Variants in MAST4 observed in about 807,000 individuals in gnomAD.
MAST4 encodes the protein microtubule associated serine/threonine kinase family member 4.
Under a neutral mutation model 162.7 loss-of-function variants are expected in MAST4, and 89 were observed. The observed-to-expected ratio is 0.55, with a 90% confidence interval of 0.46 to 0.65. MAST4 has a LOEUF of 0.65. MAST4 is among the 30% of genes least tolerant of loss of function. The probability of loss-of-function intolerance (pLI) is 0.00; values close to 1 mark genes in which losing one functional copy is unlikely to be tolerated. For missense variants in MAST4, 3,153 were observed against 3,374.0 expected (o/e 0.93, Z 1.62); for synonymous variants, 1,479 against 1,361.1 (o/e 1.09, Z -1.91).
chr5:66,905,012 A>G (rs559041442), intron 4 of MAST4, among the ~76,000 whole-genome samples: 1 of 152,244 alleles, frequency 6.6e-6, no homozygotes, highest in Admixed American at 6.5e-5. Context: ...ATGCTTTTAA[A>G]GGAATATCCA....
intron 4 of MAST4, among the ~76,000 whole-genome samples, chr5:66,998,115 TA>T (rs1416408036): frequency 6.6e-6 from 1 of 152,236 alleles, no homozygotes; most frequent in Non-Finnish European, 1.5e-5. Context: ...AAATTAACCT[TA>T]ATCTTAAATT....
chr5:66,748,428 CCTCCCTCCCTCCCTCT>C (rs1752909360), intron 1 of MAST4, among the ~76,000 whole-genome samples: 1 of 132,268 alleles, frequency 7.6e-6, no homozygotes, highest in African/African-American at 3.0e-5. Flanking sequence ...TTCCTTCCTC[CCTCCCTCCCTCCCTCT>C]CTCCCTCACT....
At chr5:66,933,126 T>C (rs1742347186) in intron 4 of MAST4, among the ~76,000 whole-genome samples, 1 of 152,214 alleles carries the variant, frequency 6.6e-6, no homozygotes, top group Admixed American at 6.5e-5. Flanking sequence ...CTACATTTAG[T>C]CTTCCATAGA....
intron 14 of MAST4, among the ~76,000 whole-genome samples, chr5:67,129,330 A>G (rs556619338): frequency 6.6e-6 from 1 of 152,270 alleles, no homozygotes; most frequent in African/African-American, 2.4e-5. Flanking sequence ...ATTTATCTGG[A>G]AATTTCTTTG....
At chr5:66,776,806 A>G (rs116135273) in intron 2 of MAST4, among the ~76,000 whole-genome samples, 4,883 of 152,294 alleles carry the variant, frequency 0.032, 89 homozygotes, top group Middle Eastern at 0.048. Context: ...ACAGTGTAGT[A>G]GAACATACTG....
At chr5:67,061,933 C>T (rs140040452) in intron 5 of MAST4, among the ~76,000 whole-genome samples, 1 of 152,244 alleles carries the variant, frequency 6.6e-6, no homozygotes, top group African/African-American at 2.4e-5. Flanking sequence ...CCTCCCCAGA[C>T]TCCTGGAGTT....
At chr5:66,893,120 A>T (rs897690675) in intron 3 of MAST4, among the ~76,000 whole-genome samples, 1 of 152,220 alleles carries the variant, frequency 6.6e-6, no homozygotes, top group African/African-American at 2.4e-5. Flanking sequence ...TGTGGTTTTG[A>T]TCAAATAAAA....
At chr5:66,843,556 C>T (rs1322797878) in intron 3 of MAST4, among the ~76,000 whole-genome samples, 2 of 152,100 alleles carry the variant, frequency 1.3e-5, no homozygotes, top group Non-Finnish European at 2.9e-5. Flanking sequence ...ATACAGTCTT[C>T]AATATGTGAT....
chr5:66,721,215 A>T (rs932178248), intron 1 of MAST4, among the ~76,000 whole-genome samples: 1 of 151,948 alleles, frequency 6.6e-6, no homozygotes, highest in Non-Finnish European at 1.5e-5. Context: ...CTGCAATTTT[A>T]TTGCTCTGCT....
intron 4 of MAST4, among the ~76,000 whole-genome samples, chr5:67,015,332 C>G (rs953422344): frequency 1.3e-5 from 2 of 152,180 alleles, no homozygotes; most frequent in Admixed American, 6.5e-5. Flanking sequence ...ACCTTCCATT[C>G]TTATAGGTGT....
intron 3 of MAST4, among the ~76,000 whole-genome samples, chr5:66,864,645 C>G (rs200118628): frequency 1.9e-5 from 1 of 53,444 alleles, no homozygotes; most frequent in Non-Finnish European, 6.4e-5. Context: ...TGAATTATGT[C>G]CCCCCCCGAA....
At chr5:67,027,452 A>G (rs1000020850) in intron 4 of MAST4, among the ~76,000 whole-genome samples, 4 of 152,198 alleles carry the variant, frequency 2.6e-5, no homozygotes, top group African/African-American at 9.6e-5. Flanking sequence ...CTCCTGGTAC[A>G]ACTGCAAAAA....
At chr5:66,780,387 G>A (rs1488305183) in intron 2 of MAST4, among the ~76,000 whole-genome samples, 7 of 152,272 alleles carry the variant, frequency 4.6e-5, no homozygotes, top group Middle Eastern at 3.4e-3. Flanking sequence ...GCAGACCTTC[G>A]CAGTGAGTGT....
intron 3 of MAST4, among the ~76,000 whole-genome samples, chr5:66,880,954 C>T (rs1193941524): frequency 6.6e-6 from 1 of 152,186 alleles, no homozygotes; most frequent in African/African-American, 2.4e-5. Context: ...GAATCACTCC[C>T]TCCCATAGAT....
At chr5:66,638,359 C>CTGG (rs568724221) in intron 1 of MAST4, among the ~76,000 whole-genome samples, 14 of 152,166 alleles carry the variant, frequency 9.2e-5, no homozygotes, top group Non-Finnish European at 1.8e-4. Flanking sequence ...TGCTGGCAAT[C>CTGG]TAAGTAAGTC....
At position 67,149,480 on chromosome 5, in the gene MAST4, C is replaced by T. The variant is rs745490963; in HGVS notation, c.3186C>T (p.Pro1062=). Reference sequence around the variant, plus strand: ...ATTCCTCAAAGCCATCCAGTGAACCCGCTTCTCACATGGCTCGGCAGCGAT... The same window carrying T: ...ATTCCTCAAAGCCATCCAGTGAACCTGCTTCTCACATGGCTCGGCAGCGAT... ...TDNSSKPSSE[P]ASHMARQRLE... The change falls in exon 24 of 29, where the codon CCC becomes CCT. Residue 1062 remains proline (P), a synonymous_variant. Transcript: ENST00000403625. 14 of 1,613,688 alleles carry T rather than the reference C, an allele frequency of 8.7e-6. No individual in the cohort carries two copies. The East Asian group carries it at 8.9e-5, about 10-fold the overall frequency.
At chr5:67,011,174 G>A (rs754755) in intron 4 of MAST4, among the ~76,000 whole-genome samples, 12,216 of 152,114 alleles carry the variant, frequency 0.08, 665 homozygotes, top group Non-Finnish European at 0.12. Flanking sequence ...CTGACCGAGC[G>A]TCTCTGGCTC....
intron 3 of MAST4, among the ~76,000 whole-genome samples, chr5:66,862,137 A>G (rs1264021514): frequency 6.6e-6 from 1 of 152,228 alleles, no homozygotes; most frequent in Non-Finnish European, 1.5e-5. Context: ...TTTAAACACC[A>G]ATCAAGTCTA....
intron 1 of MAST4, among the ~76,000 whole-genome samples, chr5:66,724,492 C>T (rs1053083611): frequency 2.0e-5 from 3 of 152,086 alleles, no homozygotes; most frequent in African/African-American, 7.2e-5. Context: ...AAATGTGAGA[C>T]CTTTTCAAAT....
Sources: gnomAD v4.1 joint callset for allele counts (sites outside exome capture counted in the v4.1 genomes callset) on GRCh38, gnomAD v4.1.1 for gene constraint, MANE v1.5 for transcripts, NCBI Gene and HGNC (gene_info 2026-07-23, HGNC 2026-07-21) for gene names.